Variants in DNAJB9 observed in about 807,000 individuals in gnomAD.
The protein encoded by DNAJB9 is DnaJ heat shock protein family (Hsp40) member B9, also known as dnaJ homolog subfamily B member 9.
In DNAJB9, 12 loss-of-function variants were observed where a neutral mutation model predicts 19.2. The ratio of observed to expected loss-of-function variants is 0.62; its 90% confidence interval spans 0.40 to 1.01. The LOEUF is 1.01. Among genes scored for constraint, DNAJB9 ranks in the 50% least tolerant of loss-of-function variants. The pLI is 0.00. For synonymous variants in DNAJB9, 83 were observed against 84.0 expected (o/e 0.99, Z 0.07); for missense variants, 272 against 261.1 (o/e 1.04, Z -0.29).
rs768692944 is a variant in DNAJB9 at position 108,573,138 on chromosome 7, A to G, written c.457A>G (p.Arg153Gly). The G allele has an allele frequency of 1.2e-6, 2 of 1,614,092 alleles. No homozygotes were observed. Among genetic ancestry groups the G allele is most frequent in the Non-Finnish European group, 1.7e-6 (2 of 1,179,952 alleles). ...CCAGGATGGTGGTTCCAGTAGACAAAGGCATCATTTCCAAGAATTTTCTTT... is the reference window on the plus strand; with the variant it reads ...CCAGGATGGTGGTTCCAGTAGACAAGGGCATCATTTCCAAGAATTTTCTTT... The part of the protein sequence containing the change: ...TRQDGGSSRQ[R>G]HHFQEFSFGG... The change falls in exon 3 of 3, where the codon AGG (arginine) becomes GGG (glycine). Residue 153 changes from arginine (R) to glycine (G), a missense_variant. Physicochemically the swap from Arg to Gly is moderately radical, Grantham distance 125. Coordinates refer to ENST00000249356, the MANE Select transcript of DNAJB9 (RefSeq NM_012328.3).
At chr7:108,570,269 A>G (rs545064346) in intron 1 of DNAJB9, among the ~76,000 whole-genome samples, 166 bp downstream of exon 1, 1 of 152,126 alleles carries the variant, frequency 6.6e-6, no homozygotes, top group East Asian at 1.9e-4. Flanking sequence ...CAGCCGCATC[A>G]CAGAATCGTG....
chr7:108,572,973 A>G lies in DNAJB9; in HGVS notation c.292A>G (p.Lys98Glu), dbSNP rs1790642514. 9.3e-6 allele frequency: 15 copies of G among 1,614,088 alleles called. No individual in the cohort carries two copies. The highest frequency in any genetic ancestry group is 1.2e-5 in the Non-Finnish European group (14 of 1,179,940). ...TGGACACAGTGCTTTTACTAGTGGT[A>G]AAGGACAAAGAGGTAGTGGAAGTTC... ...TLGHSAFTSG[K>E]GQRGSGSSFE... The change falls in exon 3 of 3, where the codon AAA (lysine) becomes GAA (glutamate). Residue 98 changes from lysine to glutamate, a missense_variant. Lys to Glu is a moderately conservative substitution (Grantham distance 56). Transcript: ENST00000249356.
rs1343014014 is a variant in DNAJB9 at position 108,569,969 on chromosome 7, C to G, written c.-145C>G. ...GAAGGAGGAGCGCTAGGTCGGTGTA[C>G]GACCGAGATTAGGGTGCGTGCCAGC... On this transcript the variant is annotated 5_prime_UTR_variant, in exon 1 of 3. Transcript: ENST00000249356. 4 of 294,938 alleles carry G rather than the reference C, an allele frequency of 1.4e-5. No homozygotes were observed. Among genetic ancestry groups the G allele is most frequent in the Non-Finnish European group, 2.7e-5 (4 of 150,264 alleles). 18.3% of individuals were successfully genotyped at this position (294,938 alleles called of 1,614,324 possible). A position where few individuals can be genotyped will look rare whatever the true frequency, so the allele number is the denominator to read the frequency against.
At chr7:108,572,824 G>A in intron 2 of DNAJB9, 75 bp from the exon 3 acceptor site, 1 of 1,238,432 alleles carries the variant, frequency 8.1e-7, no homozygotes, top group Non-Finnish European at 1.1e-6. Flanking sequence ...CAGTTCACTT[G>A]CTTGAAGAGA....
intron 1 of DNAJB9, among the ~76,000 whole-genome samples, chr7:108,570,499 T>A (rs567635947): frequency 1.4e-5 from 2 of 147,900 alleles, no homozygotes; most frequent in African/African-American, 5.3e-5. Context: ...ACAAAACTAG[T>A]CTGCTAAAAA....
chr7:108,573,145 A>G lies in DNAJB9; in HGVS notation c.464A>G (p.His155Arg), dbSNP rs767711564. Residue 155 changes from histidine (H) to arginine (R), a missense_variant, in exon 3 of 3, where the codon CAT (histidine) becomes CGT (arginine). By Grantham distance (29) the His-to-Arg change is conservative. Transcript: ENST00000249356. ...QDGGSSRQRHHFQEFSFGGGL... is the reference protein window; with the variant it reads ...QDGGSSRQRHRFQEFSFGGGL... ...GGTGGTTCCAGTAGACAAAGGCATC[A>G]TTTCCAAGAATTTTCTTTTGGAGGT... The G allele has an allele frequency of 2.5e-6, 4 of 1,614,076 alleles. No individual in the cohort carries two copies. The highest frequency in any genetic ancestry group is 1.3e-5 in the African/African-American group (1 of 75,038).
intron 1 of DNAJB9, among the ~76,000 whole-genome samples, chr7:108,570,535 A>G (rs1432626234): frequency 1.3e-5 from 2 of 152,084 alleles, no homozygotes; most frequent in Admixed American, 1.3e-4. Flanking sequence ...CCACCTTGAG[A>G]CCGTGGAATA....
Position 108,573,543 on chromosome 7 carries a change from A to C in DNAJB9, c.*190A>C, listed in dbSNP as rs1164298542. 2 of 415,376 alleles carry C rather than the reference A, an allele frequency of 4.8e-6. No individual in the cohort carries two copies. Among genetic ancestry groups the C allele is most frequent in the Non-Finnish European group, 8.3e-6 (2 of 240,432 alleles). The allele number at this position is 415,376 out of a possible 1,614,324, so 25.7% of individuals were successfully genotyped here. A position where few individuals can be genotyped will look rare whatever the true frequency, so the allele number is the denominator to read the frequency against. ...CATTCAACGAGTAGACAAAATGCTA[A>C]TTATTTCCCTGATTAGGAAAGTTTC... On this transcript the variant is annotated 3_prime_UTR_variant, in exon 3 of 3. Coordinates refer to ENST00000249356, the MANE Select transcript of DNAJB9 (RefSeq NM_012328.3).
intron 1 of DNAJB9, among the ~76,000 whole-genome samples, chr7:108,571,109 T>C (rs1790612718): frequency 6.6e-6 from 1 of 152,208 alleles, no homozygotes; most frequent in Non-Finnish European, 1.5e-5. Flanking sequence ...GGTTAAACAT[T>C]TGGGATCTTA....
In DNAJB9 at chr7:108,571,896, AAAAT is replaced by A. The variant is rs763739340; in HGVS notation, c.173_176del (p.Asn58ArgfsTer184). The stretch of plus-strand genomic sequence containing the variant: ...TTGGCCATGAAGTACCACCCTGACA[AAAAT>A]AAGAGCCCGGATGCTGAAGCAAAAT... On this transcript the variant is annotated frameshift_variant, in exon 2 of 3. Coordinates refer to ENST00000249356, the MANE Select transcript of DNAJB9 (RefSeq NM_012328.3). LOFTEE classifies it high-confidence loss of function. The A allele has an allele frequency of 6.2e-7, 1 of 1,614,056 alleles. No homozygotes were observed. The highest frequency in any genetic ancestry group is 8.5e-7 in the Non-Finnish European group (1 of 1,180,030).
Position 108,573,083 on chromosome 7 carries a change from G to A in DNAJB9, c.402G>A (p.Lys134=), listed in dbSNP as rs1326155633. Residue 134 remains lysine, a synonymous_variant, in exon 3 of 3, where the codon AAG becomes AAA. Transcript: ENST00000249356. ...FFGQNQNTGS[K]KRFENHFQTR... ...GTCAAAACCAAAACACTGGATCCAA[G>A]AAGCGTTTTGAAAATCATTTCCAGA... 1 of 1,613,982 alleles carries A rather than the reference G, an allele frequency of 6.2e-7. No individual in the cohort carries two copies. Among genetic ancestry groups the A allele is most frequent in the East Asian group, 2.2e-5 (1 of 44,888 alleles).
chr7:108,573,152 A>G lies in DNAJB9; in HGVS notation c.471A>G (p.Gln157=), dbSNP rs760935473. The stretch of plus-strand genomic sequence containing the variant: ...CCAGTAGACAAAGGCATCATTTCCA[A>G]GAATTTTCTTTTGGAGGTGGATTAT... ...GGSSRQRHHF[Q]EFSFGGGLFD... is the part of the protein sequence containing the mutation. Residue 157 remains glutamine (Q), a synonymous_variant, in exon 3 of 3, where the codon CAA becomes CAG. Transcript: ENST00000249356. 1 of 1,614,058 alleles carries G rather than the reference A, an allele frequency of 6.2e-7. No homozygotes were observed. The highest frequency in any genetic ancestry group is 1.7e-5 in the Admixed American group (1 of 60,028).
intron 2 of DNAJB9, among the ~76,000 whole-genome samples, chr7:108,572,617 A>G (rs769656917): frequency 2.6e-4 from 39 of 152,230 alleles, no homozygotes; most frequent in Non-Finnish European, 4.9e-4. Context: ...ATTGTTGCCC[A>G]CATGTTTATT....
Position 108,569,930 on chromosome 7 carries a change from T to C in DNAJB9, c.-184T>C, listed in dbSNP as rs1790583151. 2.5e-5 allele frequency: 9 copies of C among 364,648 alleles called. No individual in the cohort carries two copies. Among genetic ancestry groups the C allele is most frequent in the Non-Finnish European group, 4.7e-5 (9 of 192,980 alleles). 22.6% of individuals were successfully genotyped at this position (364,648 alleles called of 1,614,324 possible). A position where few individuals can be genotyped will look rare whatever the true frequency, so the allele number is the denominator to read the frequency against. ...TGTGAGGAGCTGGCTGAGAGGGGACTGGGCGCCGGCGGGGAAGGAGGAGCG... is the reference window on the plus strand; with the variant it reads ...TGTGAGGAGCTGGCTGAGAGGGGACCGGGCGCCGGCGGGGAAGGAGGAGCG... On this transcript the variant is annotated 5_prime_UTR_variant, in exon 1 of 3. Coordinates refer to ENST00000249356, the MANE Select transcript of DNAJB9 (RefSeq NM_012328.3).
intron 2 of DNAJB9, among the ~76,000 whole-genome samples, chr7:108,572,314 T>C (rs1234846333): frequency 2.0e-5 from 3 of 152,324 alleles, no homozygotes; most frequent in Non-Finnish European, 4.4e-5. Context: ...AAAATTAAAC[T>C]AGACTCTAAA....
intron 2 of DNAJB9, among the ~76,000 whole-genome samples, chr7:108,572,692 TAACTC>T (rs987174889): frequency 4.7e-4 from 72 of 152,330 alleles, no homozygotes; most frequent in African/African-American, 1.5e-3. Context: ...CAACTGCTGA[TAACTC>T]AGCAGTTAAT....
chr7:108,570,725 C>T (rs1766114806), intron 1 of DNAJB9, among the ~76,000 whole-genome samples: 4 of 152,136 alleles, frequency 2.6e-5, no homozygotes, highest in African/African-American at 9.7e-5. Context: ...AAGTAATCTA[C>T]CTGCCTGCTA....
intron 1 of DNAJB9, among the ~76,000 whole-genome samples, chr7:108,571,494 T>TTA (rs1790619931): frequency 6.6e-6 from 1 of 152,154 alleles, no homozygotes; most frequent in Non-Finnish European, 1.5e-5. Context: ...GGCCAGAGTA[T>TTA]TAGTAGACAG....
intron 2 of DNAJB9, 99 bp from the exon 3 acceptor site, chr7:108,572,799 TA>T: frequency 1.0e-6 from 1 of 952,406 alleles, no homozygotes; most frequent in Non-Finnish European, 1.5e-6. Context: ...AATTCTTCCC[TA>T]AAATAATAGT....
Sources: gnomAD v4.1 joint callset for allele counts (sites outside exome capture counted in the v4.1 genomes callset) on GRCh38, gnomAD v4.1.1 for gene constraint, MANE v1.5 for transcripts, NCBI Gene and HGNC (gene_info 2026-07-23, HGNC 2026-07-21) for gene names.